Variants in PGM5 observed in about 807,000 individuals in gnomAD.
PGM5 encodes the protein phosphoglucomutase-like protein 5.
PGM5 carries 23 observed loss-of-function variants against 59.2 expected under a neutral mutation model. The ratio of observed to expected loss-of-function variants is 0.39; its 90% CI spans 0.28 to 0.55. The LOEUF (loss-of-function observed/expected upper bound fraction) is 0.55. PGM5 is among the 20% of genes least tolerant of loss of function. PGM5 has a pLI of 0.66. For missense variants in PGM5, 574 were observed against 748.3 expected, an observed-to-expected ratio of 0.77 and a Z score of 2.72; for synonymous variants, 214 against 286.0, an observed-to-expected ratio of 0.75 and a Z score of 2.54.
At chr9:68,443,125 C>T (rs933957081) in intron 6 of PGM5, among the ~76,000 whole-genome samples, 1 of 152,182 alleles carries the variant, frequency 6.6e-6, no homozygotes, top group African/African-American at 2.4e-5. Context: ...ATGGAAACAA[C>T]TCAAAGTCCT....
chr9:68,386,972 G>A (rs1434003401), intron 3 of PGM5, among the ~76,000 whole-genome samples: 1 of 151,778 alleles, frequency 6.6e-6, no homozygotes, highest in East Asian at 1.9e-4. Context: ...TTCTGCACTC[G>A]AATCTGGTAG....
intron 10 of PGM5, among the ~76,000 whole-genome samples, chr9:68,512,697 G>A (rs1554689463): frequency 6.6e-6 from 1 of 152,122 alleles, no homozygotes; most frequent in East Asian, 1.9e-4. Flanking sequence ...GAGTACCTCT[G>A]TAAAGGCCCC....
chr9:68,409,888 AG>A (rs1162320530), intron 6 of PGM5, among the ~76,000 whole-genome samples: 8 of 146,090 alleles, frequency 5.5e-5, no homozygotes, highest in East Asian at 2.0e-4. Context: ...AAAAAAAAAA[AG>A]AACAAAGCAA....
chr9:68,415,816 T>TATCTA (rs1419570921), intron 6 of PGM5, among the ~76,000 whole-genome samples: 1 of 54,716 alleles, frequency 1.8e-5, no homozygotes, highest in Non-Finnish European at 4.6e-5. Flanking sequence ...TCTATCTATC[T>TATCTA]TATCTATCTA....
chr9:68,476,044 C>T (rs562266764), intron 7 of PGM5, among the ~76,000 whole-genome samples: 15 of 152,240 alleles, frequency 9.9e-5, no homozygotes, highest in Middle Eastern at 3.4e-3. Flanking sequence ...CAATATTTTT[C>T]CAATTTTTCT....
chr9:68,478,098 G>A (rs967338465), intron 7 of PGM5, among the ~76,000 whole-genome samples: 3 of 152,172 alleles, frequency 2.0e-5, no homozygotes, highest in African/African-American at 7.2e-5. Flanking sequence ...CACATGTCTC[G>A]TACTACAACA....
At chr9:68,361,782 A>G (rs1554676286) in intron 1 of PGM5, among the ~76,000 whole-genome samples, 2 of 152,056 alleles carry the variant, frequency 1.3e-5, no homozygotes. Flanking sequence ...TTTTGGGAAG[A>G]CATACACGTT....
intron 10 of PGM5, among the ~76,000 whole-genome samples, chr9:68,512,788 T>C (rs1554689486): frequency 2.0e-5 from 3 of 152,192 alleles, no homozygotes; most frequent in Non-Finnish European, 4.4e-5. Context: ...ATTCAACCCA[T>C]AATATTAGTC....
At chr9:68,461,342 C>T (rs1240235945) in intron 6 of PGM5, among the ~76,000 whole-genome samples, 7 of 152,188 alleles carry the variant, frequency 4.6e-5, no homozygotes, top group Non-Finnish European at 8.8e-5. Context: ...AACTCAGTCA[C>T]ATGGCCACAG....
At chr9:68,366,990 C>G (rs1266711758) in intron 1 of PGM5, among the ~76,000 whole-genome samples, 2 of 152,110 alleles carry the variant, frequency 1.3e-5, no homozygotes, top group Non-Finnish European at 2.9e-5. Context: ...GGTGCAGCTT[C>G]CTCTTGACTT....
At chr9:68,410,742 A>T (rs537512564) in intron 6 of PGM5, among the ~76,000 whole-genome samples, 2 of 152,350 alleles carry the variant, frequency 1.3e-5, no homozygotes, top group Admixed American at 6.5e-5. Context: ...GAGTCATGAT[A>T]TAGCCACAAA....
chr9:68,408,315 T>G (rs1434342154), intron 6 of PGM5, among the ~76,000 whole-genome samples: 1 of 152,246 alleles, frequency 6.6e-6, no homozygotes, highest in Admixed American at 6.5e-5. Flanking sequence ...TGAGCCAAGG[T>G]GGGCTGACTC....
rs1825069406 is a variant in PGM5 at position 68,530,825 on chromosome 9, C to T, written c.*1169C>T. ...AGCCAGGACACCCAGCGCGTGGGAC[C>T]TGTTTGTGTCTGTTTTGCTTCCTTG... On this transcript the variant is annotated 3_prime_UTR_variant, in exon 11 of 11. Transcript: ENST00000396396. 1 of 152,214 alleles carries T rather than the reference C, an allele frequency of 6.6e-6. No homozygotes were observed. The highest frequency in any genetic ancestry group is 1.5e-5 in the Non-Finnish European group (1 of 68,068). 9.4% of individuals were successfully genotyped at this position (152,214 alleles called of 1,614,324 possible).
At chr9:68,528,739 T>A (rs368870949) in intron 10 of PGM5, among the ~76,000 whole-genome samples, 35 of 152,198 alleles carry the variant, frequency 2.3e-4, no homozygotes, top group Non-Finnish European at 2.6e-4. Flanking sequence ...TGTTAAAGAT[T>A]GGCAGCAAAC....
At chr9:68,398,519 ACAGC>A (rs1587792499) in intron 6 of PGM5, 1 of 152,252 alleles carries the variant, frequency 6.6e-6, no homozygotes, top group East Asian at 1.9e-4. Flanking sequence ...CAGGGTGACC[ACAGC>A]CTAGTGAGGT....
intron 6 of PGM5, among the ~76,000 whole-genome samples, chr9:68,441,105 A>G (rs1367565436): frequency 6.6e-6 from 1 of 152,060 alleles, no homozygotes; most frequent in Non-Finnish European, 1.5e-5. Flanking sequence ...CACTCACCCA[A>G]CATGAAGTAA....
intron 10 of PGM5, among the ~76,000 whole-genome samples, chr9:68,528,610 GA>G (rs968897940): frequency 6.6e-6 from 1 of 151,654 alleles, no homozygotes; most frequent in African/African-American, 2.4e-5. Flanking sequence ...ACTCTACATG[GA>G]AAAAACAATA....
intron 1 of PGM5, among the ~76,000 whole-genome samples, chr9:68,367,429 G>A (rs2131979038): frequency 6.6e-6 from 1 of 152,294 alleles, no homozygotes; most frequent in South Asian, 2.1e-4. Context: ...GACCAAGCAG[G>A]GGCTAAGAGA....
In PGM5 at chr9:68,392,428, T is replaced by A; in HGVS notation, c.998T>A (p.Val333Asp). The change falls in exon 6 of 11, where the codon GTC (valine) becomes GAC (aspartate). Residue 333 changes from valine (V) to aspartate (D), a missense_variant. Around this residue, in one of 7 missense-constraint regions of PGM5, gnomAD observed 8 missense variants for 75.4 expected, o/e 0.11. Coordinates refer to ENST00000396396, the MANE Select transcript of PGM5 (RefSeq NM_021965.4). ...SCIPYFRQMGVRGFGRSMPTS... is the reference protein window; with the variant it reads ...SCIPYFRQMGDRGFGRSMPTS... ...ATTCCATATTTCCGTCAGATGGGGG[T>A]CCGCGGGTTTGGGAGGAGTATGCCA... 6.2e-7 allele frequency: 1 copy of A among 1,611,478 alleles called. No homozygotes were observed. The highest frequency in any genetic ancestry group is 8.5e-7 in the Non-Finnish European group (1 of 1,179,472).
Sources: gnomAD v4.1 joint callset for allele counts (sites outside exome capture counted in the v4.1 genomes callset) on GRCh38, gnomAD v4.1.1 for gene constraint, gnomAD v4.1.1 regional missense constraint, MANE v1.5 for transcripts, NCBI Gene and HGNC (gene_info 2026-07-23, HGNC 2026-07-21) for gene names.